ADGRV1: variants seen among roughly 807,000 people sequenced by gnomAD.
ADGRV1 encodes G-protein coupled receptor 98.
In ADGRV1, 359 loss-of-function variants were observed where a neutral mutation model predicts 596.2. That is an observed-to-expected ratio of 0.60 (90% confidence interval 0.55 to 0.66). The LOEUF (loss-of-function observed/expected upper bound fraction) is 0.66, where lower values mean the gene tolerates loss of function less well. ADGRV1 is among the 30% of genes least tolerant of loss of function. The probability of loss-of-function intolerance (pLI) is 0.00; values close to 1 mark genes in which losing one functional copy is unlikely to be tolerated. For missense variants in ADGRV1, 7,274 were observed against 7,575.6 expected (o/e 0.96, Z 1.48); for synonymous variants, 2,681 against 2,679.2 (o/e 1.00, Z -0.02).
At chr5:90,907,388 T>C (rs1772426536) in intron 83 of ADGRV1, among the ~76,000 whole-genome samples, 1 of 152,142 alleles carries the variant, frequency 6.6e-6, no homozygotes, top group South Asian at 2.1e-4. Context: ...ATCTGCTAAT[T>C]TGCTACTTAA....
At chr5:90,791,409 T>C in intron 70 of ADGRV1, 63 bp downstream of exon 70, 1 of 1,192,564 alleles carries the variant, frequency 8.4e-7, no homozygotes, top group Non-Finnish European at 1.2e-6. Flanking sequence ...GTGCCCATGC[T>C]TACCTCATAA....
chr5:90,693,888 A>G lies in ADGRV1; in HGVS notation c.7134-2A>G. The G allele has an allele frequency of 6.5e-7, 1 of 1,536,526 alleles. No individual in the cohort carries two copies. Among genetic ancestry groups the G allele is most frequent in the Non-Finnish European group, 8.8e-7 (1 of 1,141,170 alleles). ...TCTTTTAATTGTCACTCCACATTTT[A>G]GCGGAGGGCACTTTGGTCGGCTGTT... is the stretch of plus-strand genomic sequence containing the variant. On this transcript the variant is annotated splice_acceptor_variant, in intron 32 of 89. Coordinates refer to ENST00000405460, the MANE Select transcript of ADGRV1 (RefSeq NM_032119.4). LOFTEE classifies it high-confidence loss of function.
At chr5:90,705,870 C>T (rs967647422) in intron 37 of ADGRV1, among the ~76,000 whole-genome samples, 2 of 152,168 alleles carry the variant, frequency 1.3e-5, no homozygotes, top group East Asian at 3.8e-4. Context: ...GGCTCTATTC[C>T]ATATGTCTGT....
intron 87 of ADGRV1, among the ~76,000 whole-genome samples, chr5:91,139,047 A>G (rs897544414): frequency 6.6e-6 from 1 of 152,212 alleles, no homozygotes; most frequent in African/African-American, 2.4e-5. Flanking sequence ...CTGGGATTAC[A>G]GGCGTGAGCC....
intron 16 of ADGRV1, among the ~76,000 whole-genome samples, chr5:90,646,856 C>T (rs1489325603): frequency 6.6e-6 from 1 of 151,480 alleles, no homozygotes; most frequent in Non-Finnish European, 1.5e-5. Context: ...TCACTGCACC[C>T]TCCGCCTTCT....
At chr5:90,623,127 C>A (rs1295105304) in intron 5 of ADGRV1, among the ~76,000 whole-genome samples, 1 of 152,152 alleles carries the variant, frequency 6.6e-6, no homozygotes, top group Non-Finnish European at 1.5e-5. Flanking sequence ...ATAAACATGA[C>A]ACAATACAAT....
Position 90,614,919 on chromosome 5 carries a change from C to G in ADGRV1, c.107C>G (p.Thr36Ser). The G allele has an allele frequency of 3.1e-6, 5 of 1,603,560 alleles. No individual in the cohort carries two copies. The highest frequency in any genetic ancestry group is 4.3e-6 in the Non-Finnish European group (5 of 1,173,396). ...TTTGGAGAAACAGAAATAAGATTTA[C>G]TGGACAAACTGAATTTGTTGTTAAT... is the stretch of plus-strand genomic sequence containing the variant. ...FVFGETEIRF[T>S]GQTEFVVNET... Residue 36 changes from threonine (T) to serine (S), a missense_variant, in exon 2 of 90, where the codon ACT becomes AGT. Physicochemically the swap from Thr to Ser is moderately conservative, Grantham distance 58. Transcript: ENST00000405460.
chr5:91,059,882 A>G (rs1483372922), intron 85 of ADGRV1, among the ~76,000 whole-genome samples: 1 of 152,208 alleles, frequency 6.6e-6, no homozygotes, highest in Non-Finnish European at 1.5e-5. Context: ...ACACATAAAA[A>G]TGATAAATAA....
At chr5:90,580,973 C>T (rs1222315460) in intron 1 of ADGRV1, among the ~76,000 whole-genome samples, 2 of 152,136 alleles carry the variant, frequency 1.3e-5, no homozygotes, top group African/African-American at 4.8e-5. Flanking sequence ...TTTTCTCTAA[C>T]CTTGTCTTCC....
chr5:90,594,172 G>A (rs1343573316), intron 1 of ADGRV1, among the ~76,000 whole-genome samples: 1 of 152,162 alleles, frequency 6.6e-6, no homozygotes, highest in African/African-American at 2.4e-5. Flanking sequence ...TGGTGTGGCT[G>A]TGTCCCCATC....
intron 1 of ADGRV1, among the ~76,000 whole-genome samples, chr5:90,580,420 T>G (rs1021316954): frequency 6.6e-6 from 1 of 152,000 alleles, no homozygotes; most frequent in Non-Finnish European, 1.5e-5. Context: ...TCCCTGTCAC[T>G]TTCAGGCACA....
chr5:90,759,535 G>C lies in ADGRV1; in HGVS notation c.12067G>C (p.Val4023Leu). 3.7e-6 allele frequency: 6 copies of C among 1,613,238 alleles called. No homozygotes were observed. Among genetic ancestry groups the C allele is most frequent in the Non-Finnish European group, 5.1e-6 (6 of 1,179,344 alleles). Residue 4023 changes from valine to leucine, a missense_variant, in exon 58 of 90, where the codon GTT becomes CTT. Physicochemically the swap from Val to Leu is conservative, Grantham distance 32 (BLOSUM62 1). Transcript: ENST00000405460. Reference sequence around the variant, plus strand: ...TGGTGATGATGTTGTGGTAACTGTTGTTATTCCACAAAATGATTCTCCATT... The same window carrying C: ...TGGTGATGATGTTGTGGTAACTGTTCTTATTCCACAAAATGATTCTCCATT... Reference protein sequence around the residue: ...RLGDDVVVTVVIPQNDSPFGV... With the variant: ...RLGDDVVVTVLIPQNDSPFGV...
chr5:90,662,675 T>C (rs892464183), intron 21 of ADGRV1, among the ~76,000 whole-genome samples: 2 of 151,960 alleles, frequency 1.3e-5, no homozygotes, highest in African/African-American at 2.4e-5. Context: ...GTTAGTTACA[T>C]ATGTATACGT....
At chr5:90,809,592 A>G (rs1225319094) in intron 73 of ADGRV1, among the ~76,000 whole-genome samples, 2 of 152,206 alleles carry the variant, frequency 1.3e-5, no homozygotes, top group Admixed American at 1.3e-4. Flanking sequence ...TTAAATTTAT[A>G]TTAAAACCAA....
At chr5:90,740,604 G>A (rs571889229) in intron 50 of ADGRV1, among the ~76,000 whole-genome samples, 164 of 152,228 alleles carry the variant, frequency 1.1e-3, no homozygotes, top group African/African-American at 3.7e-3. Context: ...GCCTCCACTG[G>A]CCACAAGGCA....
intron 67 of ADGRV1, among the ~76,000 whole-genome samples, chr5:90,785,998 A>T (rs1759399356): frequency 6.6e-6 from 1 of 152,164 alleles, no homozygotes; most frequent in East Asian, 1.9e-4. Context: ...CTTGGAACCA[A>T]CCCAAATGTC....
intron 83 of ADGRV1, among the ~76,000 whole-genome samples, chr5:90,885,952 T>C (rs1275531814): frequency 6.6e-6 from 1 of 152,046 alleles, no homozygotes; most frequent in East Asian, 1.9e-4. Context: ...TCCCAGTATA[T>C]GGAAGTGGCT....
At chr5:90,723,638 A>C (rs936757251) in intron 45 of ADGRV1, among the ~76,000 whole-genome samples, 1 of 152,228 alleles carries the variant, frequency 6.6e-6, no homozygotes, top group African/African-American at 2.4e-5. Flanking sequence ...AAAAGGGAGC[A>C]ACATAAAAAT....
In ADGRV1 at chr5:90,703,781, C is replaced by T; in HGVS notation, c.8272C>T (p.Leu2758Phe). 1 of 1,596,410 alleles carries T rather than the reference C, an allele frequency of 6.3e-7. No individual in the cohort carries two copies. The highest frequency in any genetic ancestry group is 1.1e-5 in the South Asian group (1 of 87,596). ...ELNFANFSGQ[L>F]FFPEGSLNTT... ...CAATTTTGCTAACTTTAGCGGACAA[C>T]TTTTCTTTCCTGAGGTAATACTGCA... is the stretch of plus-strand genomic sequence containing the variant. The change falls in exon 35 of 90, where the codon CTT (leucine) becomes TTT (phenylalanine). Residue 2758 changes from leucine (L) to phenylalanine (F), a missense_variant. Physicochemically the swap from Leu to Phe is conservative, Grantham distance 22 (BLOSUM62 0). Around this residue, in one of 5 missense-constraint regions of ADGRV1, gnomAD observed 3,643 missense variants for 3,809.2 expected, o/e 0.96. Coordinates refer to ENST00000405460, the MANE Select transcript of ADGRV1 (RefSeq NM_032119.4).
Sources: gnomAD v4.1 joint callset for allele counts (sites outside exome capture counted in the v4.1 genomes callset) on GRCh38, gnomAD v4.1.1 for gene constraint, gnomAD v4.1.1 regional missense constraint, MANE v1.5 for transcripts, NCBI Gene and HGNC (gene_info 2026-07-23, HGNC 2026-07-21) for gene names.